Variants in DLG2 observed in about 807,000 individuals in gnomAD.
DLG2 encodes discs large MAGUK scaffold protein 2, also known as disks large homolog 2.
DLG2 carries 45 observed loss-of-function variants against 132.5 expected under a neutral mutation model. The observed-to-expected ratio is 0.34, with a 90% CI of 0.27 to 0.44. DLG2 has a LOEUF of 0.44. Ranked by LOEUF, DLG2 falls within the 20% of genes least tolerant of loss-of-function variation. DLG2 has a pLI of 1.00. For missense variants in DLG2, 1,045 were observed against 1,196.9 expected (o/e 0.87, Z 1.87); for synonymous variants, 424 against 419.6 (o/e 1.01, Z -0.13).
chr11:85,191,361 G>A (rs541700097), intron 4 of DLG2, among the ~76,000 whole-genome samples: 70 of 151,214 alleles, frequency 4.6e-4, no homozygotes, highest in African/African-American at 1.5e-3. Flanking sequence ...CTATGTAATC[G>A]ATTTCACTCC....
At chr11:84,645,012 T>C (rs1031129367) in intron 6 of DLG2, among the ~76,000 whole-genome samples, 2 of 152,150 alleles carry the variant, frequency 1.3e-5, no homozygotes, top group African/African-American at 2.4e-5. Context: ...CCCTGCAGAG[T>C]TGCATTAAGA....
chr11:83,851,808 T>A (rs1167525340), intron 16 of DLG2, among the ~76,000 whole-genome samples: 1 of 151,564 alleles, frequency 6.6e-6, no homozygotes, highest in Non-Finnish European at 1.5e-5. Flanking sequence ...TAATCCCAGC[T>A]ACTCAGGAGG....
At chr11:83,884,402 G>A (rs557959072) in intron 15 of DLG2, among the ~76,000 whole-genome samples, 6 of 152,290 alleles carry the variant, frequency 3.9e-5, no homozygotes, top group East Asian at 3.9e-4. Context: ...AGGGGCGCCC[G>A]CCATTGCCCA....
chr11:85,248,738 A>G (rs1045698757), intron 4 of DLG2, among the ~76,000 whole-genome samples: 2 of 152,106 alleles, frequency 1.3e-5, no homozygotes, highest in African/African-American at 4.8e-5. Context: ...TAACAAGTGA[A>G]AATATCAGAA....
intron 3 of DLG2, among the ~76,000 whole-genome samples, chr11:85,465,487 G>A (rs1395979860): frequency 6.6e-6 from 1 of 151,996 alleles, no homozygotes; most frequent in Non-Finnish European, 1.5e-5. Flanking sequence ...CCTGGTGTGT[G>A]ATGTTCCCCT....
chr11:83,791,432 C>A (rs1385636344), intron 17 of DLG2: 1 of 714,224 alleles, frequency 1.4e-6, no homozygotes, highest in Non-Finnish European at 2.6e-6. Flanking sequence ...TTGGCCATAT[C>A]TTTACCATAG....
chr11:85,373,636 C>G (rs2085165488), intron 3 of DLG2, among the ~76,000 whole-genome samples: 1 of 152,142 alleles, frequency 6.6e-6, no homozygotes, highest in African/African-American at 2.4e-5. Flanking sequence ...TGTGTGGAAC[C>G]TGCAATTCAA....
rs537966877 is a variant in DLG2, at chr11:85,485,706, T to C, written c.40+112951A>G. On this transcript the variant is annotated intron_variant, in intron 3 of 27. Coordinates refer to ENST00000376104, the MANE Select transcript of DLG2 (RefSeq NM_001142699.3). ...CCGCAGGCTTTTGCATTCTTGGCTA[T>C]GAGAGAACCTCTTGGCCCACAGACC... Among the ~76,000 whole-genome samples the C allele has an allele frequency of 1.3e-4, 20 of 152,268 alleles. No individual in the cohort carries two copies. In the South Asian group the frequency reaches 3.9e-3, roughly 30 times the overall value.
chr11:85,381,307 T>A (rs2085867032), intron 3 of DLG2, among the ~76,000 whole-genome samples: 1 of 152,146 alleles, frequency 6.6e-6, no homozygotes, highest in African/African-American at 2.4e-5. Context: ...AAAAAATTGG[T>A]AGGTTCAAAT....
intron 11 of DLG2, among the ~76,000 whole-genome samples, chr11:84,040,527 T>C (rs1181402901): frequency 6.6e-6 from 1 of 152,044 alleles, no homozygotes; most frequent in Admixed American, 6.6e-5. Context: ...GATCAGATAG[T>C]TGTAGATATG....
chr11:84,465,929 A>T (rs2099093145), intron 7 of DLG2, among the ~76,000 whole-genome samples: 1 of 151,228 alleles, frequency 6.6e-6, no homozygotes, highest in Non-Finnish European at 1.5e-5. Flanking sequence ...TTGACTCTTC[A>T]CTTTTTTAAG....
At chr11:85,613,357 ACAC>A (rs1759763567) in intron 2 of DLG2, among the ~76,000 whole-genome samples, 1 of 152,168 alleles carries the variant, frequency 6.6e-6, no homozygotes, top group African/African-American at 2.4e-5. Flanking sequence ...CCTCTGGAGG[ACAC>A]CACAACTGCA....
intron 7 of DLG2, among the ~76,000 whole-genome samples, chr11:84,317,965 T>G (rs191387886): frequency 6.6e-6 from 1 of 152,328 alleles, no homozygotes; most frequent in Admixed American, 6.5e-5. Flanking sequence ...GTTTTCAAGG[T>G]TTAAAACTGA....
intron 5 of DLG2, among the ~76,000 whole-genome samples, chr11:85,135,668 G>A (rs1262825037): frequency 6.6e-6 from 1 of 152,130 alleles, no homozygotes; most frequent in East Asian, 1.9e-4. Context: ...TGTTTGTTGA[G>A]CACTCATTAT....
intron 15 of DLG2, among the ~76,000 whole-genome samples, chr11:83,878,941 T>C (rs963308670): frequency 6.6e-6 from 1 of 152,208 alleles, no homozygotes; most frequent in African/African-American, 2.4e-5. Context: ...CCTGTCCAAA[T>C]GATGCTGTCA....
intron 2 of DLG2, among the ~76,000 whole-genome samples, chr11:85,613,041 G>A (rs2081107013): frequency 6.6e-6 from 1 of 152,138 alleles, no homozygotes; most frequent in Non-Finnish European, 1.5e-5. Flanking sequence ...GGGATAGTAT[G>A]AGATGCTGTC....
At chr11:83,879,914 A>T (rs2065738115) in intron 15 of DLG2, among the ~76,000 whole-genome samples, 1 of 152,204 alleles carries the variant, frequency 6.6e-6, no homozygotes, top group Admixed American at 6.5e-5. Flanking sequence ...AGGCATATTT[A>T]ATTGGCAAAC....
chr11:83,509,920 C>T (rs978897246), intron 21 of DLG2, among the ~76,000 whole-genome samples: 6 of 152,172 alleles, frequency 3.9e-5, no homozygotes, highest in Non-Finnish European at 7.4e-5. Context: ...CACTAGGGGA[C>T]GGAATATAGC....
At chr11:85,507,700 T>C (rs867645077) in intron 3 of DLG2, among the ~76,000 whole-genome samples, 1 of 152,142 alleles carries the variant, frequency 6.6e-6, no homozygotes, top group Non-Finnish European at 1.5e-5. Flanking sequence ...GTTGCTCTTC[T>C]CAAGGAGTAT....
Sources: allele counts gnomAD v4.1 joint callset (sites outside exome capture counted in the v4.1 genomes callset), GRCh38; gene constraint gnomAD v4.1.1; transcripts MANE v1.5; gene names NCBI Gene and HGNC (gene_info 2026-07-23, HGNC 2026-07-21).